The following PTPRD variants were observed in gnomAD, a reference collection of about 807,000 sequenced individuals.
The protein encoded by PTPRD is receptor-type tyrosine-protein phosphatase delta.
A neutral mutation model predicts 214.5 loss-of-function variants in PTPRD; 34 were observed. That is an observed-to-expected ratio of 0.16 (90% CI 0.12 to 0.21). PTPRD has a LOEUF of 0.21. Ranked by LOEUF, PTPRD falls within the 10% of genes least tolerant of loss-of-function variation. PTPRD has a pLI of 1.00. For synonymous variants in PTPRD, 1,128 were observed against 845.7 expected (o/e 1.33, Z -5.79); for missense variants, 2,545 against 2,398.7 (o/e 1.06, Z -1.27).
chr9:9,061,180 T>C (rs2099706629), intron 10 of PTPRD, among the ~76,000 whole-genome samples: 2 of 152,180 alleles, frequency 1.3e-5, no homozygotes, highest in Admixed American at 1.3e-4. Context: ...CCTGGGCTAT[T>C]CATTTTGGAA....
intron 5 of PTPRD, among the ~76,000 whole-genome samples, chr9:9,841,068 G>GT (rs372883765): frequency 7.9e-5 from 12 of 152,192 alleles, no homozygotes; most frequent in African/African-American, 2.6e-4. Context: ...AATTATCTTT[G>GT]TACAACAAAG....
intron 8 of PTPRD, among the ~76,000 whole-genome samples, chr9:9,519,156 T>C (rs1370715012): frequency 6.6e-6 from 1 of 151,958 alleles, no homozygotes; most frequent in Admixed American, 6.6e-5. Flanking sequence ...TTGAAATATA[T>C]GATACTGAAA....
At chr9:9,631,515 G>A (rs1173083589) in intron 7 of PTPRD, among the ~76,000 whole-genome samples, 1 of 151,990 alleles carries the variant, frequency 6.6e-6, no homozygotes, top group Non-Finnish European at 1.5e-5. Context: ...CAAAGTATAG[G>A]GCCTTTTTTT....
At chr9:8,484,037 TACG>T in intron 30 of PTPRD, 79 bp downstream of exon 30, 2 of 1,510,912 alleles carry the variant, frequency 1.3e-6, no homozygotes, top group Non-Finnish European at 1.8e-6. Context: ...TATCTTCTTT[TACG>T]ACCTCTATAA....
chr9:9,655,574 G>A (rs7856437), intron 7 of PTPRD, among the ~76,000 whole-genome samples: 129,658 of 147,050 alleles, frequency 0.88, 56,176 homozygotes, highest in East Asian at 1. Flanking sequence ...ATCTCAAAGG[G>A]AAAACCAAAC....
At chr9:8,967,204 G>A (rs1039194699) in intron 11 of PTPRD, among the ~76,000 whole-genome samples, 1 of 152,040 alleles carries the variant, frequency 6.6e-6, no homozygotes, top group Non-Finnish European at 1.5e-5. Flanking sequence ...TGGTGGGAAT[G>A]TAAATTAGTC....
rs1441226084 is a variant in PTPRD, at chr9:9,609,429, T to C, written c.-286-34648A>G. ...CAAAAGAAACTTTGGGAAGAAGAGA[T>C]GTATATCAAGTAACAATGTGAAGGT... is the stretch of plus-strand genomic sequence containing the variant. On this transcript the variant is annotated intron_variant, in intron 7 of 45. Coordinates refer to ENST00000381196, the MANE Select transcript of PTPRD (RefSeq NM_002839.4). Among the ~76,000 whole-genome samples, 4 of 152,132 alleles carry C rather than the reference T, an allele frequency of 2.6e-5. No homozygotes were observed. The South Asian group carries it at 6.2e-4, about 24-fold the overall frequency.
chr9:9,752,637 T>G (rs1437764758), intron 6 of PTPRD, among the ~76,000 whole-genome samples: 1 of 151,900 alleles, frequency 6.6e-6, no homozygotes, highest in East Asian at 1.9e-4. Flanking sequence ...GAGAAGAAAA[T>G]GACATTAACA....
At chr9:9,681,613 C>A (rs189090894) in intron 7 of PTPRD, among the ~76,000 whole-genome samples, 88 of 151,860 alleles carry the variant, frequency 5.8e-4, no homozygotes, top group African/African-American at 2.0e-3. Flanking sequence ...ATCAGGCCAT[C>A]TTAAAAGAAG....
intron 10 of PTPRD, among the ~76,000 whole-genome samples, chr9:9,021,717 C>T (rs1226410560): frequency 6.6e-6 from 1 of 151,346 alleles, no homozygotes; most frequent in African/African-American, 2.4e-5. Context: ...ATGTGTAGGC[C>T]TAGACTAATG....
chr9:10,563,637 C>T (rs1402723001), intron 2 of PTPRD, among the ~76,000 whole-genome samples: 2 of 151,422 alleles, frequency 1.3e-5, no homozygotes, highest in Admixed American at 6.6e-5. Flanking sequence ...CATTGAAACA[C>T]TGTTGTTGTT....
chr9:8,765,532 A>G (rs2094672205), intron 11 of PTPRD, among the ~76,000 whole-genome samples: 1 of 152,164 alleles, frequency 6.6e-6, no homozygotes, highest in African/African-American at 2.4e-5. Flanking sequence ...TCCTGCCAAA[A>G]GCCAAGTAGC....
intron 30 of PTPRD, among the ~76,000 whole-genome samples, chr9:8,482,833 C>A (rs542039996): frequency 1.3e-5 from 2 of 152,304 alleles, no homozygotes; most frequent in East Asian, 1.9e-4. Context: ...TGGGCCTATG[C>A]ACTTACCACT....
intron 8 of PTPRD, among the ~76,000 whole-genome samples, chr9:9,470,894 T>C (rs954999173): frequency 6.6e-6 from 1 of 152,178 alleles, no homozygotes; most frequent in Admixed American, 6.5e-5. Flanking sequence ...TTAACATGAA[T>C]AGGCTTATTC....
intron 3 of PTPRD, among the ~76,000 whole-genome samples, chr9:10,206,576 G>A (rs1236524988): frequency 6.6e-6 from 1 of 152,162 alleles, no homozygotes; most frequent in Non-Finnish European, 1.5e-5. Flanking sequence ...GTGAAATACA[G>A]GAACAGTTCT....
intron 2 of PTPRD, among the ~76,000 whole-genome samples, chr9:10,568,855 C>G (rs569701869): frequency 7.2e-5 from 11 of 152,168 alleles, no homozygotes; most frequent in African/African-American, 2.4e-4. Context: ...GCAGGACATA[C>G]GCTTGGGCAA....
intron 31 of PTPRD, among the ~76,000 whole-genome samples, chr9:8,466,109 G>C (rs1249524253): frequency 6.6e-6 from 1 of 151,888 alleles, no homozygotes; most frequent in Non-Finnish European, 1.5e-5. Flanking sequence ...TTTAGAAGAG[G>C]TTAGTGCCAC....
intron 2 of PTPRD, among the ~76,000 whole-genome samples, chr9:10,379,734 T>C: frequency 6.6e-6 from 1 of 152,188 alleles, no homozygotes; most frequent in South Asian, 2.1e-4. Flanking sequence ...AACCTTTATG[T>C]CTTTCTAACT....
chr9:9,408,191 T>G (rs115119757), intron 8 of PTPRD, among the ~76,000 whole-genome samples: 2,200 of 152,014 alleles, frequency 0.014, 43 homozygotes, highest in African/African-American at 0.043. Context: ...TTTTTGTTTT[T>G]CATTGTTTTC....
Sources: gnomAD v4.1 joint callset for allele counts (sites outside exome capture counted in the v4.1 genomes callset) on GRCh38, gnomAD v4.1.1 for gene constraint, MANE v1.5 for transcripts, NCBI Gene and HGNC (gene_info 2026-07-23, HGNC 2026-07-21) for gene names.